The following LAMB1 variants were observed in gnomAD, a reference collection of about 807,000 sequenced individuals.
The protein encoded by LAMB1 is laminin subunit beta-1.
A neutral mutation model predicts 222.3 loss-of-function variants in LAMB1; 121 were observed. That is an observed-to-expected ratio of 0.54 (90% CI 0.47 to 0.63). LAMB1 has a LOEUF of 0.63. LAMB1 is among the 30% of genes least tolerant of loss of function. LAMB1 has a pLI of 0.00. For synonymous variants in LAMB1, 794 were observed against 807.2 expected (o/e 0.98, Z 0.28); for missense variants, 2,172 against 2,240.8 (o/e 0.97, Z 0.62).
intron 24 of LAMB1, among the ~76,000 whole-genome samples, chr7:107,941,809 C>A (rs972041859): frequency 7.1e-6 from 1 of 141,510 alleles, no homozygotes; most frequent in Non-Finnish European, 1.5e-5. Flanking sequence ...CAGGCATGCG[C>A]CACCACACCC....
intron 5 of LAMB1, among the ~76,000 whole-genome samples, chr7:107,989,899 A>G (rs946571592): frequency 1.3e-5 from 2 of 152,182 alleles, no homozygotes; most frequent in Non-Finnish European, 2.9e-5. Flanking sequence ...AAACCAGAAC[A>G]ACACATTTTA....
At position 107,935,347 on chromosome 7, in the gene LAMB1, G is replaced by GTTTTTTTTTTTTTTTTTTTTTTTTTTTT. The variant is rs200599445; in HGVS notation, c.4188+67_4188+68insAAAAAAAAAAAAAAAAAAAAAAAAAAAA. On this transcript the variant is annotated intron_variant, in intron 27 of 33. Transcript: ENST00000222399. ...GACAAAAGATGGTTTGTTTTTCTTTGTTTTTTTTTTTTTTTTTTTTTTTTT... is the reference window on the plus strand; with the variant it reads ...GACAAAAGATGGTTTGTTTTTCTTTGTTTTTTTTTTTTTTTTTTTTTTTTTTTTTTTTTTTTTTTTTTTTTTTTTTTTT... 9 of 1,089,052 alleles carry GTTTTTTTTTTTTTTTTTTTTTTTTTTTT rather than the reference G, an allele frequency of 8.3e-6. No individual in the cohort carries two copies. In the African/African-American group the frequency reaches 2.2e-4, roughly 27 times the overall value. The allele number at this position is 1,089,052 out of a possible 1,614,324, so 67.5% of individuals were successfully genotyped here. A position where few individuals can be genotyped will look rare whatever the true frequency, so the allele number is the denominator to read the frequency against.
In LAMB1 at chr7:107,961,214, T is replaced by A. The variant is rs1288413372; in HGVS notation, c.2101A>T (p.Ile701Phe). ...DSDVESPYTL[I>F]DSLVLMPYCK... is the part of the protein sequence containing the mutation. ...AGCAATCTCGCACTTACAGAATCGA[T>A]CAGCGTGTAGGGGCTCTCCACGTCG... Residue 701 changes from isoleucine to phenylalanine, a missense_variant, in exon 17 of 34, where the codon ATC becomes TTC. Transcript: ENST00000222399. 2 of 1,614,040 alleles carry A rather than the reference T, an allele frequency of 1.2e-6. No homozygotes were observed. Among genetic ancestry groups the A allele is most frequent in the Non-Finnish European group, 1.7e-6 (2 of 1,180,004 alleles).
Position 107,970,488 on chromosome 7 carries a change from C to CAAAA in LAMB1, c.1562+2500_1562+2503dup, listed in dbSNP as rs78303178. ...TAGGTGACAAAGCGAAACTCTGTCT[C>CAAAA]AAAAAAAAAAAAAAAAAGGGGGGGG... On this transcript the variant is annotated intron_variant, in intron 13 of 33. Coordinates refer to ENST00000222399, the MANE Select transcript of LAMB1 (RefSeq NM_002291.3). Among the ~76,000 whole-genome samples the CAAAA allele has an allele frequency of 1.6e-3, 68 of 43,128 alleles. 1 individual carries two copies. Among genetic ancestry groups the CAAAA allele is most frequent in the African/African-American group, 4.3e-3 (64 of 14,922 alleles). 28.3% of individuals were successfully genotyped at this position (43,128 alleles called of 152,430 possible).
At position 107,923,801 on chromosome 7, in the gene LAMB1, T is replaced by A. The variant is rs2032486781; in HGVS notation, c.*150A>T. On this transcript the variant is annotated 3_prime_UTR_variant, in exon 34 of 34. Coordinates refer to ENST00000222399, the MANE Select transcript of LAMB1 (RefSeq NM_002291.3). ...TGAAAGTAACAAGTACACCAAAATATATACAAAAGCACTGTACTTTATTTA... is the reference window on the plus strand; with the variant it reads ...TGAAAGTAACAAGTACACCAAAATAAATACAAAAGCACTGTACTTTATTTA... 2 of 672,046 alleles carry A rather than the reference T, an allele frequency of 3.0e-6. No homozygotes were observed. The highest frequency in any genetic ancestry group is 3.0e-4 in the Middle Eastern group (1 of 3,380). The allele number at this position is 672,046 out of a possible 1,614,324, so 41.6% of individuals were successfully genotyped here.
Position 107,964,671 on chromosome 7 carries a change from C to T in LAMB1, c.1579G>A (p.Gly527Ser). 1 of 1,614,146 alleles carries T rather than the reference C, an allele frequency of 6.2e-7. No homozygotes were observed. The highest frequency in any genetic ancestry group is 8.5e-7 in the Non-Finnish European group (1 of 1,180,004). ...ATGTGAGGCCGGCATGAGCACTGGC[C>T]TGACTCCGCAAAGCAACTGGAAGGG... ...ALNNSCFAES[G>S]QCSCRPHMIG... is the part of the protein sequence containing the mutation. Residue 527 changes from glycine (G) to serine (S), a missense_variant, in exon 14 of 34, where the codon GGC becomes AGC. Physicochemically the swap from Gly to Ser is moderately conservative, Grantham distance 56. Coordinates refer to ENST00000222399, the MANE Select transcript of LAMB1 (RefSeq NM_002291.3).
Position 107,998,365 on chromosome 7 carries a change from G to T in LAMB1, c.341C>A (p.Ser114Tyr). The T allele has an allele frequency of 6.2e-7, 1 of 1,614,002 alleles. No homozygotes were observed. The change falls in exon 4 of 34, where the codon TCT (serine) becomes TAT (tyrosine). Residue 114 changes from serine to tyrosine, a missense_variant. Ser to Tyr is a moderately radical substitution (Grantham distance 144, BLOSUM62 -2). Coordinates refer to ENST00000222399, the MANE Select transcript of LAMB1 (RefSeq NM_002291.3). Reference protein sequence around the residue: ...APNRLKIWWQSENGVENVTIQ... With the variant: ...APNRLKIWWQYENGVENVTIQ... ...CCACACCAACCACATACCATTTTCA[G>T]ATTGCCACCAAATCTTAAGGCGGTT...
intron 14 of LAMB1, 99 bp downstream of exon 14, chr7:107,964,453 T>C: frequency 7.1e-7 from 1 of 1,404,568 alleles, no homozygotes; most frequent in Non-Finnish European, 9.9e-7. Context: ...CTGACAAAGC[T>C]ATAAAAATGC....
intron 17 of LAMB1, 48 bp downstream of exon 17, chr7:107,961,158 T>G (rs748905167): frequency 1.2e-6 from 2 of 1,612,044 alleles, no homozygotes. Context: ...AGCTGGGCAC[T>G]TTCCGCCCAG....
At position 107,951,208 on chromosome 7, in the gene LAMB1, A is replaced by G; in HGVS notation, c.3391+18T>C. ...TCCACTCTCTGATCAAGTCAATGCG[A>G]GAACGCCCACAACTCACCTCGGCAC... On this transcript the variant is annotated intron_variant, in intron 24 of 33. Transcript: ENST00000222399. 1 of 1,602,088 alleles carries G rather than the reference A, an allele frequency of 6.2e-7. No individual in the cohort carries two copies. Among genetic ancestry groups the G allele is most frequent in the Non-Finnish European group, 8.6e-7 (1 of 1,169,138 alleles).
chr7:107,928,951 G>A, intron 31 of LAMB1, 113 bp downstream of exon 31: 1 of 1,026,254 alleles, frequency 9.7e-7, no homozygotes, highest in Non-Finnish European at 1.5e-6. Flanking sequence ...TTTATTAAAG[G>A]AATCCTTTAA....
At chr7:107,989,282 G>A (rs778465681) in intron 5 of LAMB1, among the ~76,000 whole-genome samples, 2 of 152,172 alleles carry the variant, frequency 1.3e-5, no homozygotes, top group Non-Finnish European at 2.9e-5. Context: ...TTGGGGAATT[G>A]GAAGTCAGAT....
At position 107,959,411 on chromosome 7, in the gene LAMB1, A is replaced by G. The variant is rs563967018; in HGVS notation, c.2528T>C (p.Phe843Ser). Residue 843 changes from phenylalanine to serine, a missense_variant, in exon 20 of 34, where the codon TTC (phenylalanine) becomes TCC (serine). Phe to Ser is a radical substitution (Grantham distance 155, BLOSUM62 -2). Transcript: ENST00000222399. ...CNPVTGQCHC[F>S]QGVYARQCDR... Reference sequence around the variant, plus strand: ...ACACTGCCGAGCATACACTCCCTGGAAACAGTGGCACTGGCCAGTGACGGG... The same window carrying G: ...ACACTGCCGAGCATACACTCCCTGGGAACAGTGGCACTGGCCAGTGACGGG... 5.6e-6 allele frequency: 9 copies of G among 1,614,124 alleles called. No homozygotes were observed. In the Admixed American group the frequency reaches 6.7e-5, roughly 12 times the overall value.
intron 13 of LAMB1, among the ~76,000 whole-genome samples, chr7:107,970,511 G>GC (rs1423768220): frequency 6.8e-6 from 1 of 146,432 alleles, no homozygotes; most frequent in Non-Finnish European, 1.5e-5. Context: ...AAAAAGGGGG[G>GC]GGTGGGCTTC....
intron 5 of LAMB1, among the ~76,000 whole-genome samples, chr7:107,994,283 TG>T (rs1254135747): frequency 6.6e-6 from 1 of 152,072 alleles, no homozygotes; most frequent in Non-Finnish European, 1.5e-5. Context: ...CAAAGAAAAA[TG>T]ATGAGAAAAT....
intron 13 of LAMB1, among the ~76,000 whole-genome samples, chr7:107,965,817 A>G (rs1365490605): frequency 6.6e-6 from 1 of 151,924 alleles, no homozygotes; most frequent in Non-Finnish European, 1.5e-5. Flanking sequence ...AAATGTCCCA[A>G]GGCCGGGTGC....
At position 107,935,569 on chromosome 7, in the gene LAMB1, G is replaced by C. The variant is rs774138122; in HGVS notation, c.4034C>G (p.Thr1345Ser). ...TCTCATGAGGGCTGACTGCTCCACAGTGCTGTTGGGTTCTGTGGTGGAGGC... is the reference window on the plus strand; with the variant it reads ...TCTCATGAGGGCTGACTGCTCCACACTGCTGTTGGGTTCTGTGGTGGAGGC... ...VNASTTEPNS[T>S]VEQSALMRDR... The change falls in exon 27 of 34, where the codon ACT becomes AGT. Residue 1345 changes from threonine to serine, a missense_variant. Thr to Ser is a moderately conservative substitution (Grantham distance 58, BLOSUM62 1). Coordinates refer to ENST00000222399, the MANE Select transcript of LAMB1 (RefSeq NM_002291.3). 4 of 1,613,890 alleles carry C rather than the reference G, an allele frequency of 2.5e-6. No individual in the cohort carries two copies. The highest frequency in any genetic ancestry group is 1.3e-5 in the African/African-American group (1 of 74,942).
intron 13 of LAMB1, among the ~76,000 whole-genome samples, chr7:107,967,787 GA>G (rs2150434017): frequency 6.6e-6 from 1 of 152,170 alleles, no homozygotes; most frequent in Non-Finnish European, 1.5e-5. Context: ...CTGTCTTCAA[GA>G]ACTTACAGTC....
intron 22 of LAMB1, among the ~76,000 whole-genome samples, chr7:107,953,252 G>A (rs1340702480): frequency 1.3e-5 from 2 of 151,976 alleles, no homozygotes; most frequent in Admixed American, 6.6e-5. Flanking sequence ...ACCTACTCGG[G>A]AGGCTGAGGC....
Sources: allele counts gnomAD v4.1 joint callset (sites outside exome capture counted in the v4.1 genomes callset), GRCh38; gene constraint gnomAD v4.1.1; transcripts MANE v1.5; gene names NCBI Gene and HGNC (gene_info 2026-07-23, HGNC 2026-07-21).